Variants in TBC1D19 observed in about 807,000 individuals in gnomAD.
TBC1D19 encodes TBC1 domain family member 19.
In TBC1D19, 60 loss-of-function variants were observed where a neutral mutation model predicts 89.0. The ratio of observed to expected loss-of-function variants is 0.67; its 90% confidence interval spans 0.55 to 0.84. The LOEUF (loss-of-function observed/expected upper bound fraction) is 0.84, where lower values mean the gene tolerates loss of function less well. TBC1D19 is among the 40% of genes least tolerant of loss of function. The pLI is 0.00. For synonymous variants in TBC1D19, 189 were observed against 199.7 expected (o/e 0.95, Z 0.45); for missense variants, 500 against 610.8 (o/e 0.82, Z 1.91).
the TBC1D19 span, among the ~76,000 whole-genome samples, chr4:26,817,009 C>T: frequency 6.6e-6 from 1 of 152,086 alleles, no homozygotes; most frequent in African/African-American, 2.4e-5. Flanking sequence ...CTTCTGGGTC[C>T]CTCACTATGC....
At chr4:26,795,919 A>T in the TBC1D19 span, among the ~76,000 whole-genome samples, 4 of 152,316 alleles carry the variant, frequency 2.6e-5, no homozygotes, top group East Asian at 7.7e-4. Context: ...CACCATATGT[A>T]TCCCTCCAGA....
rs1048561703 is a variant in TBC1D19 at position 26,756,097 on chromosome 4, AT to A, written c.*1154del. On this transcript the variant is annotated 3_prime_UTR_variant, in exon 21 of 21. Coordinates refer to ENST00000264866, the MANE Select transcript of TBC1D19 (RefSeq NM_018317.4). ...ATTTTATTCAGTTTTACCCAAATGT[AT>A]TTTATGAGTCTTTTATTTTGGCAGT... 2.6e-5 allele frequency among the ~76,000 whole-genome samples: 4 copies of A among 152,192 alleles called. No homozygotes were observed. The highest frequency in any genetic ancestry group is 9.6e-5 in the African/African-American group (4 of 41,456).
intron 4 of TBC1D19, among the ~76,000 whole-genome samples, chr4:26,635,349 A>G (rs1020439328): frequency 4.6e-5 from 7 of 152,128 alleles, no homozygotes; most frequent in Middle Eastern, 3.2e-3. Flanking sequence ...GGTAGGTTGT[A>G]TCATTATAAT....
At chr4:26,732,285 C>T (rs1456909176) in intron 15 of TBC1D19, among the ~76,000 whole-genome samples, 1 of 152,134 alleles carries the variant, frequency 6.6e-6, no homozygotes, top group Non-Finnish European at 1.5e-5. Flanking sequence ...GCTAGGGCTT[C>T]CAGGTCACCC....
the TBC1D19 span, among the ~76,000 whole-genome samples, chr4:26,841,670 G>A: frequency 6.6e-6 from 1 of 152,194 alleles, no homozygotes; most frequent in Non-Finnish European, 1.5e-5. Context: ...CAGAGCATCT[G>A]GGAGAGTCTG....
the TBC1D19 span, among the ~76,000 whole-genome samples, chr4:26,829,092 T>C: frequency 2.0e-5 from 3 of 152,196 alleles, no homozygotes; most frequent in Non-Finnish European, 4.4e-5. Flanking sequence ...AACATGAAGC[T>C]CAAATAACAA....
At chr4:26,786,753 CTGGA>C in the TBC1D19 span, among the ~76,000 whole-genome samples, 10,498 of 85,512 alleles carry the variant, frequency 0.12, 621 homozygotes, top group African/African-American at 0.19. Context: ...GGGTGGATGC[CTGGA>C]TGGATGGATG....
the TBC1D19 span, among the ~76,000 whole-genome samples, chr4:26,823,605 T>C: frequency 6.6e-6 from 1 of 152,076 alleles, no homozygotes; most frequent in African/African-American, 2.4e-5. Flanking sequence ...TGGAGATGGG[T>C]CTGTCACCAG....
chr4:26,672,673 G>A (rs1712424238), intron 10 of TBC1D19, among the ~76,000 whole-genome samples: 1 of 151,852 alleles, frequency 6.6e-6, no homozygotes, highest in Non-Finnish European at 1.5e-5. Flanking sequence ...CCTATCTTTT[G>A]AAGATTCTTT....
intron 11 of TBC1D19, among the ~76,000 whole-genome samples, chr4:26,675,560 A>G (rs1216548793): frequency 6.6e-5 from 10 of 152,266 alleles, no homozygotes; most frequent in African/African-American, 2.4e-4. Context: ...TATCATTTAC[A>G]GTTAATTTCA....
chr4:26,601,229 C>T (rs79137799), intron 1 of TBC1D19, among the ~76,000 whole-genome samples: 1,902 of 152,124 alleles, frequency 0.013, 34 homozygotes, highest in African/African-American at 0.043. Context: ...CACTGTTCTA[C>T]GGTCTGTCTC....
intron 1 of TBC1D19, among the ~76,000 whole-genome samples, chr4:26,601,901 A>C (rs922548987): frequency 6.6e-6 from 1 of 152,078 alleles, no homozygotes; most frequent in African/African-American, 2.4e-5. Context: ...CCCGTTTTCC[A>C]GTTTCTTTAA....
the TBC1D19 span, among the ~76,000 whole-genome samples, chr4:26,829,420 A>G: frequency 6.6e-6 from 1 of 152,242 alleles, no homozygotes; most frequent in Non-Finnish European, 1.5e-5. Context: ...CCAAAGGGCT[A>G]GAATGATTTG....
At chr4:26,765,410 T>C in the TBC1D19 span, among the ~76,000 whole-genome samples, 8 of 141,678 alleles carry the variant, frequency 5.6e-5, no homozygotes, top group Non-Finnish European at 3.0e-5. Flanking sequence ...CCCAGGATTT[T>C]AATGAACTCA....
rs146893726 is a variant in TBC1D19 at position 26,754,555 on chromosome 4, C to T, written c.1507-318C>T. 8.2e-4 allele frequency among the ~76,000 whole-genome samples: 125 copies of T among 152,262 alleles called. No individual in the cohort carries two copies. In the Middle Eastern group the frequency reaches 0.01, roughly 12 times the overall value. ...TCAGTTACTACTTACACTAGAATAA[C>T]AGGACTAGGATTCATAATGTATGCT... On this transcript the variant is annotated intron_variant, in intron 20 of 20. Transcript: ENST00000264866.
exon 1 of TBC1D19, chr4:26,576,751 G>A (rs947377654): frequency 2.2e-5 from 10 of 456,174 alleles, no homozygotes; most frequent in Admixed American, 2.1e-4. Context: ...GCAGATGTCA[G>A]GGAGATGAAG....
At chr4:26,853,095 T>C in the TBC1D19 span, among the ~76,000 whole-genome samples, 1 of 152,226 alleles carries the variant, frequency 6.6e-6, no homozygotes, top group Admixed American at 6.5e-5. Context: ...AACCTTTCAG[T>C]GTTTCCAAAC....
At chr4:26,626,818 C>CTT (rs71186420) in intron 4 of TBC1D19, among the ~76,000 whole-genome samples, 3 of 147,006 alleles carry the variant, frequency 2.0e-5, no homozygotes, top group South Asian at 2.1e-4. Context: ...AGCTCAAATT[C>CTT]TTTTTTTTAT....
the TBC1D19 span, among the ~76,000 whole-genome samples, chr4:26,768,509 A>C: frequency 4.6e-5 from 7 of 152,352 alleles, no homozygotes; most frequent in African/African-American, 1.7e-4. Context: ...CAAAATTAAT[A>C]AATCAAAAGG....
Sources: allele counts gnomAD v4.1 joint callset (sites outside exome capture counted in the v4.1 genomes callset), GRCh38; gene constraint gnomAD v4.1.1; transcripts MANE v1.5; gene names NCBI Gene and HGNC (gene_info 2026-07-23, HGNC 2026-07-21).